The following CNTN6 variants were observed in gnomAD, a reference collection of about 807,000 sequenced individuals.
CNTN6 encodes contactin-6.
CNTN6 carries 137 observed loss-of-function variants against 122.8 expected under a neutral mutation model. The observed-to-expected ratio is 1.12, with a 90% CI of 0.97 to 1.29. The LOEUF (loss-of-function observed/expected upper bound fraction) is 1.29, where lower values mean the gene tolerates loss of function less well. Ranked by LOEUF, CNTN6 falls within the 50% of genes most tolerant of loss-of-function variation. The pLI is 0.00. For missense variants in CNTN6, 1,634 were observed against 1,223.4 expected (o/e 1.34, Z -5.01); for synonymous variants, 570 against 426.0 (o/e 1.34, Z -4.16).
chr3:1,173,444 G>A (rs1348133010), intron 2 of CNTN6: 1 of 362,422 alleles, frequency 2.8e-6, no homozygotes, highest in African/African-American at 2.1e-5. Flanking sequence ...TAAAGGACAG[G>A]AAGTATTATA....
chr3:1,164,588 G>A (rs1477113845), intron 2 of CNTN6, among the ~76,000 whole-genome samples: 1 of 152,164 alleles, frequency 6.6e-6, no homozygotes, highest in Non-Finnish European at 1.5e-5. Context: ...GGTGAATATG[G>A]AGGCTTTGGA....
chr3:1,316,364 G>C (rs759822228), intron 7 of CNTN6, among the ~76,000 whole-genome samples: 40 of 151,860 alleles, frequency 2.6e-4, no homozygotes, highest in Non-Finnish European at 4.9e-4. Context: ...AGAAAGTGAA[G>C]GGGAAGCAGG....
chr3:1,383,697 TAC>T (rs1452259287), intron 19 of CNTN6, among the ~76,000 whole-genome samples: 1 of 152,234 alleles, frequency 6.6e-6, no homozygotes, highest in Non-Finnish European at 1.5e-5. Context: ...GCAGCAGTGT[TAC>T]AGTTTTGAAA....
At chr3:1,264,494 C>G (rs1414900046) in intron 4 of CNTN6, among the ~76,000 whole-genome samples, 1 of 152,084 alleles carries the variant, frequency 6.6e-6, no homozygotes, top group Non-Finnish European at 1.5e-5. Context: ...TCATTTGGGA[C>G]TAAAAGTTCC....
intron 4 of CNTN6, among the ~76,000 whole-genome samples, chr3:1,243,205 C>T (rs9857510): frequency 0.24 from 36,421 of 151,840 alleles, 4,561 homozygotes; most frequent in East Asian, 0.4. Flanking sequence ...AGATGGGACG[C>T]GGCTTACGAG....
chr3:1,385,272 A>G (rs1692695774), intron 19 of CNTN6, among the ~76,000 whole-genome samples: 1 of 152,192 alleles, frequency 6.6e-6, no homozygotes, highest in African/African-American at 2.4e-5. Flanking sequence ...AAAGTCTTTG[A>G]CTGATTATAT....
chr3:1,185,194 T>G (rs981243039), intron 2 of CNTN6, among the ~76,000 whole-genome samples: 2 of 152,174 alleles, frequency 1.3e-5, no homozygotes, highest in Non-Finnish European at 1.5e-5. Flanking sequence ...TATGTCCTAT[T>G]TGGTTCAGGA....
At chr3:1,327,316 C>A in intron 9 of CNTN6, 141 bp from the exon 10 acceptor site, 3 of 870,230 alleles carry the variant, frequency 3.4e-6, no homozygotes, top group Non-Finnish European at 5.0e-6. Flanking sequence ...CTTAAAAATG[C>A]TGCTCAGAAT....
chr3:1,266,308 G>T (rs2125728283), intron 4 of CNTN6, among the ~76,000 whole-genome samples: 1 of 152,234 alleles, frequency 6.6e-6, no homozygotes, highest in East Asian at 1.9e-4. Context: ...TTGCAGCTGT[G>T]ATTCCAAAGA....
intron 7 of CNTN6, among the ~76,000 whole-genome samples, chr3:1,317,888 TAA>T (rs76953561): frequency 1.3e-3 from 170 of 130,652 alleles, no homozygotes; most frequent in Middle Eastern, 7.8e-3. Flanking sequence ...AAATGCAGGT[TAA>T]AAAAAAAAAA....
rs569111826 is a variant in CNTN6, at chr3:1,233,606, GCA to G, written c.358+5615_358+5616del. Among the ~76,000 whole-genome samples the G allele has an allele frequency of 2.1e-3, 318 of 151,642 alleles. 3 individuals are homozygous for G. Among genetic ancestry groups the G allele is most frequent in the African/African-American group, 5.0e-3 (205 of 41,312 alleles). On this transcript the variant is annotated intron_variant, in intron 4 of 22. Transcript: ENST00000446702. ...AAAAATTAGCCGGGTGTGGTGGTGT[GCA>G]CCTGTAATCCCAGCTACTCGGGAGG...
intron 12 of CNTN6, among the ~76,000 whole-genome samples, chr3:1,356,725 C>T (rs1172816153): frequency 6.6e-6 from 1 of 151,818 alleles, no homozygotes; most frequent in East Asian, 1.9e-4. Context: ...TTCCACACGC[C>T]ACTTTCCTAC....
chr3:1,102,543 A>G (rs1003579152), intron 1 of CNTN6, among the ~76,000 whole-genome samples: 4 of 150,888 alleles, frequency 2.7e-5, no homozygotes, highest in African/African-American at 4.9e-5. Flanking sequence ...ATCCTGGCTA[A>G]CACGGTGAAA....
intron 2 of CNTN6, chr3:1,173,188 A>G (rs1432801458): frequency 2.2e-6 from 1 of 456,394 alleles, no homozygotes; most frequent in Non-Finnish European, 4.4e-6. Context: ...GGATCACTCT[A>G]TTTGTTTCAT....
At chr3:1,388,272 T>G (rs1408280050) in intron 20 of CNTN6, among the ~76,000 whole-genome samples, 3 of 148,604 alleles carry the variant, frequency 2.0e-5, no homozygotes, top group Non-Finnish European at 4.5e-5. Context: ...CCGAGCAGCC[T>G]AACTGGGAGG....
intron 10 of CNTN6, among the ~76,000 whole-genome samples, chr3:1,329,091 A>G (rs1165845013): frequency 6.6e-6 from 1 of 151,380 alleles, no homozygotes; most frequent in African/African-American, 2.4e-5. Flanking sequence ...ATATGTATAT[A>G]TGTGTATATA....
At chr3:1,192,457 C>G (rs886403570) in intron 2 of CNTN6, among the ~76,000 whole-genome samples, 2 of 152,138 alleles carry the variant, frequency 1.3e-5, no homozygotes, top group African/African-American at 4.8e-5. Flanking sequence ...ATGGACCATA[C>G]TATACATTAT....
intron 7 of CNTN6, among the ~76,000 whole-genome samples, chr3:1,313,961 ATC>A (rs1699755237): frequency 6.6e-6 from 1 of 152,072 alleles, no homozygotes; most frequent in African/African-American, 2.4e-5. Flanking sequence ...TGAAGGCTCT[ATC>A]TTCATGTCAT....
At chr3:1,398,823 A>G (rs1441958977) in intron 20 of CNTN6, among the ~76,000 whole-genome samples, 3 of 152,084 alleles carry the variant, frequency 2.0e-5, no homozygotes, top group African/African-American at 4.8e-5. Context: ...GAGAAGTAAA[A>G]CATTCTAAAT....
Sources: gnomAD v4.1 joint callset for allele counts (sites outside exome capture counted in the v4.1 genomes callset) on GRCh38, gnomAD v4.1.1 for gene constraint, MANE v1.5 for transcripts, NCBI Gene and HGNC (gene_info 2026-07-23, HGNC 2026-07-21) for gene names.